TRPC6: variants seen among roughly 807,000 people sequenced by gnomAD.
TRPC6 encodes the protein short transient receptor potential channel 6.
A neutral mutation model predicts 90.7 loss-of-function variants in TRPC6; 55 were observed. The ratio of observed to expected loss-of-function variants is 0.61; its 90% confidence interval spans 0.49 to 0.76. TRPC6 has a LOEUF of 0.76. Ranked by LOEUF, TRPC6 falls within the 30% of genes least tolerant of loss-of-function variation. The pLI, the probability that TRPC6 is intolerant of heterozygous loss-of-function variation, is 0.00. For synonymous variants in TRPC6, 393 were observed against 393.0 expected, an observed-to-expected ratio of 1.00 and a Z score of 0.00; for missense variants, 989 against 1,122.7, an observed-to-expected ratio of 0.88 and a Z score of 1.70.
At position 101,583,364 on chromosome 11, in the gene TRPC6, G is replaced by C. The variant is rs780362215; in HGVS notation, c.140C>G (p.Pro47Arg). The C allele has an allele frequency of 6.3e-7, 1 of 1,594,350 alleles. No homozygotes were observed. The highest frequency in any genetic ancestry group is 8.5e-7 in the Non-Finnish European group (1 of 1,170,798). Residue 47 changes from proline to arginine, a missense_variant, in exon 1 of 13, where the codon CCG (proline) becomes CGG (arginine). This residue lies in a region of TRPC6 where 194 missense variants were observed against 136.5 expected (regional missense o/e 1.42). Coordinates refer to ENST00000344327, the MANE Select transcript of TRPC6 (RefSeq NM_004621.6). The stretch of plus-strand genomic sequence containing the variant: ...GGGGTAGTAGCCGTAGCAAGGCAGC[G>C]GGGCTTGCGGGCAGCCGTCTTCTCC... The part of the protein sequence containing the change: ...ELGEDGCPQA[P>R]LPCYGYYPCF...
At chr11:101,488,546 T>C (rs1295813743) in intron 4 of TRPC6, among the ~76,000 whole-genome samples, 1 of 152,206 alleles carries the variant, frequency 6.6e-6, no homozygotes, top group Admixed American at 6.5e-5. Context: ...TGTTCATCTT[T>C]TAGGATGTCA....
chr11:101,455,443 A>C, intron 10 of TRPC6: 1 of 241,914 alleles, frequency 4.1e-6, no homozygotes, highest in Non-Finnish European at 8.2e-6. Context: ...TGGTGATCTC[A>C]GAAGTCCATT....
intron 5 of TRPC6, among the ~76,000 whole-genome samples, chr11:101,477,271 C>T (rs147082991): frequency 2.0e-3 from 300 of 151,660 alleles, no homozygotes; most frequent in African/African-American, 7.1e-3. Context: ...CCTTGAGACC[C>T]TTCTCAGCTC....
intron 5 of TRPC6, among the ~76,000 whole-genome samples, chr11:101,482,154 TA>T (rs909489457): frequency 1.3e-5 from 2 of 152,224 alleles, no homozygotes; most frequent in African/African-American, 4.8e-5. Context: ...CATTGAATTT[TA>T]ATTATTGATT....
At chr11:101,453,502 C>G (rs1428485834) in intron 12 of TRPC6, 148 bp downstream of exon 12, 10 of 798,092 alleles carry the variant, frequency 1.3e-5, no homozygotes, top group African/African-American at 3.4e-5. Flanking sequence ...CACTCTTTAA[C>G]AGAACGGCGG....
intron 2 of TRPC6, among the ~76,000 whole-genome samples, chr11:101,497,552 C>A (rs1410790250): frequency 6.6e-6 from 1 of 152,146 alleles, no homozygotes; most frequent in Non-Finnish European, 1.5e-5. Flanking sequence ...GTGTCAGCAG[C>A]AGAGGCATCT....
At chr11:101,476,656 A>G (rs1859424637) in intron 5 of TRPC6, 122 bp from the exon 6 acceptor site, 1 of 817,562 alleles carries the variant, frequency 1.2e-6, no homozygotes, top group South Asian at 1.4e-5. Flanking sequence ...TTTGGTCCCA[A>G]CCTGCCGTCC....
At position 101,576,102 on chromosome 11, in the gene TRPC6, T is replaced by A. The variant is rs574338170; in HGVS notation, c.170+7232A>T. Among the ~76,000 whole-genome samples the A allele has an allele frequency of 7.4e-4, 112 of 152,328 alleles. 2 individuals are homozygous for A. The Middle Eastern group carries it at 0.01, about 14-fold the overall frequency. On this transcript the variant is annotated intron_variant, in intron 1 of 12. Coordinates refer to ENST00000344327, the MANE Select transcript of TRPC6 (RefSeq NM_004621.6). ...GCCCACTTGACAACAACCTACTGGC[T>A]GTGTAACTTACTGCACATTGTTTAA...
chr11:101,571,724 C>T (rs1450274517), intron 1 of TRPC6, among the ~76,000 whole-genome samples: 4 of 152,166 alleles, frequency 2.6e-5, no homozygotes, highest in African/African-American at 9.7e-5. Flanking sequence ...CACACATCTA[C>T]AACCATCTGA....
intron 1 of TRPC6, among the ~76,000 whole-genome samples, chr11:101,575,902 A>G (rs1488102543): frequency 1.3e-5 from 2 of 152,154 alleles, no homozygotes; most frequent in Admixed American, 1.3e-4. Context: ...CCAAATTCCT[A>G]TGAAAAGGGA....
chr11:101,529,394 G>C (rs953535991), intron 1 of TRPC6, among the ~76,000 whole-genome samples: 1 of 152,226 alleles, frequency 6.6e-6, no homozygotes, highest in African/African-American at 2.4e-5. Context: ...AGATGCTGCT[G>C]CTTCATAAAA....
At chr11:101,518,157 GA>G (rs1860564975) in intron 1 of TRPC6, among the ~76,000 whole-genome samples, 1 of 152,150 alleles carries the variant, frequency 6.6e-6, no homozygotes, top group Non-Finnish European at 1.5e-5. Flanking sequence ...TCAGTTGAAA[GA>G]AAAGCATCAT....
chr11:101,535,191 G>GAAGAAAAGA (rs1405375045), intron 1 of TRPC6, among the ~76,000 whole-genome samples: 4 of 34,742 alleles, frequency 1.2e-4, no homozygotes, highest in Non-Finnish European at 1.4e-4. Flanking sequence ...AGGAAGGAAG[G>GAAGAAAAGA]AAGGAAGGAA....
At chr11:101,539,330 G>T (rs920857497) in intron 1 of TRPC6, among the ~76,000 whole-genome samples, 2 of 152,150 alleles carry the variant, frequency 1.3e-5, no homozygotes, top group African/African-American at 2.4e-5. Context: ...CTATTAGAGT[G>T]AGGAAAACCC....
intron 1 of TRPC6, among the ~76,000 whole-genome samples, chr11:101,516,571 T>C (rs1860527964): frequency 6.6e-6 from 1 of 152,208 alleles, no homozygotes; most frequent in African/African-American, 2.4e-5. Flanking sequence ...TCAAAAAAAG[T>C]AAGTACTTAG....
intron 1 of TRPC6, among the ~76,000 whole-genome samples, chr11:101,527,096 A>T (rs1054323891): frequency 3.3e-5 from 5 of 152,122 alleles, no homozygotes; most frequent in African/African-American, 1.2e-4. Flanking sequence ...CTGGAGAAGA[A>T]AAACATGCTG....
chr11:101,467,160 G>T (rs569641733), intron 10 of TRPC6, among the ~76,000 whole-genome samples: 81 of 152,286 alleles, frequency 5.3e-4, no homozygotes, highest in African/African-American at 1.8e-3. Flanking sequence ...CGGCCATCTT[G>T]CCAGCAATCC....
At chr11:101,565,959 C>G (rs1383301483) in intron 1 of TRPC6, among the ~76,000 whole-genome samples, 1 of 152,094 alleles carries the variant, frequency 6.6e-6, no homozygotes, top group Non-Finnish European at 1.5e-5. Context: ...CAAGGACTTA[C>G]TAATATTTTC....
At chr11:101,539,827 G>A (rs1475235539) in intron 1 of TRPC6, among the ~76,000 whole-genome samples, 1 of 152,050 alleles carries the variant, frequency 6.6e-6, no homozygotes, top group African/African-American at 2.4e-5. Flanking sequence ...ATTTAATTAA[G>A]TCCTAGGCCA....
Sources: gnomAD v4.1 joint callset for allele counts (sites outside exome capture counted in the v4.1 genomes callset) on GRCh38, gnomAD v4.1.1 for gene constraint, gnomAD v4.1.1 regional missense constraint, MANE v1.5 for transcripts, NCBI Gene and HGNC (gene_info 2026-07-23, HGNC 2026-07-21) for gene names.